The following ITPR2 variants were observed in gnomAD, a reference collection of about 807,000 sequenced individuals.
ITPR2 encodes the protein inositol 1,4,5-trisphosphate receptor type 2, also known as inositol 1,4,5-trisphosphate-gated calcium channel ITPR2.
In ITPR2, 207 loss-of-function variants were observed where a neutral mutation model predicts 317.1. The ratio of observed to expected loss-of-function variants is 0.65; its 90% CI spans 0.58 to 0.73. The LOEUF is 0.73. Among genes scored for constraint, ITPR2 ranks in the 30% least tolerant of loss-of-function variants. The pLI, the probability that ITPR2 is intolerant of heterozygous loss-of-function variation, is 0.00. For missense variants in ITPR2, 2,613 were observed against 3,284.0 expected (o/e 0.80, Z 4.99); for synonymous variants, 1,156 against 1,149.1 (o/e 1.01, Z -0.12).
chr12:26,449,551 C>G (rs1388256471), intron 45 of ITPR2, among the ~76,000 whole-genome samples: 2 of 151,944 alleles, frequency 1.3e-5, no homozygotes, highest in East Asian at 3.8e-4. Context: ...GTAATTAATA[C>G]AAGGAAAAAT....
At chr12:26,585,568 C>T (rs988646313) in intron 32 of ITPR2, among the ~76,000 whole-genome samples, 1 of 152,110 alleles carries the variant, frequency 6.6e-6, no homozygotes, top group Non-Finnish European at 1.5e-5. Flanking sequence ...CAACACCCGA[C>T]TAATTTTTGT....
chr12:26,695,765 T>C lies in ITPR2; in HGVS notation c.952-115A>G, dbSNP rs1447992820. On this transcript the variant is annotated intron_variant, in intron 9 of 56. Coordinates refer to ENST00000381340, the MANE Select transcript of ITPR2 (RefSeq NM_002223.4). Reference sequence around the variant, plus strand: ...CTCAACTAAGTTTAATATAAAAAGATGCTAAGAAAGAAACTATTAGTAAAT... The same window carrying C: ...CTCAACTAAGTTTAATATAAAAAGACGCTAAGAAAGAAACTATTAGTAAAT... 8.8e-6 allele frequency: 6 copies of C among 684,594 alleles called. No homozygotes were observed. The African/African-American group carries it at 1.1e-4, about 12-fold the overall frequency. 42.4% of individuals were successfully genotyped at this position (684,594 alleles called of 1,614,324 possible).
At chr12:26,477,399 T>C (rs751311142) in intron 43 of ITPR2, among the ~76,000 whole-genome samples, 99 of 152,106 alleles carry the variant, frequency 6.5e-4, no homozygotes, top group Non-Finnish European at 1.1e-3. Context: ...AGAAATGGTA[T>C]ACAATTTAAA....
chr12:26,593,842 G>A (rs1945769315), intron 32 of ITPR2, among the ~76,000 whole-genome samples: 1 of 152,034 alleles, frequency 6.6e-6, no homozygotes, highest in Admixed American at 6.6e-5. Context: ...ATCAATGGAA[G>A]TTATCATTGG....
At chr12:26,561,055 A>C (rs545039688) in intron 35 of ITPR2, among the ~76,000 whole-genome samples, 1 of 152,316 alleles carries the variant, frequency 6.6e-6, no homozygotes, top group East Asian at 1.9e-4. Context: ...AAGTGTAATT[A>C]AGATAAAATG....
At chr12:26,666,123 G>A in intron 13 of ITPR2, 72 bp from the exon 14 acceptor site, 1 of 570,396 alleles carries the variant, frequency 1.8e-6, no homozygotes, top group Non-Finnish European at 2.6e-6. Flanking sequence ...ATAGATGATA[G>A]GTAGGTAGGT....
At chr12:26,607,964 A>T (rs1266573104) in intron 26 of ITPR2, among the ~76,000 whole-genome samples, 2 of 151,798 alleles carry the variant, frequency 1.3e-5, no homozygotes, top group East Asian at 3.9e-4. Flanking sequence ...AAAAAAATAC[A>T]AAAAAAATTA....
At chr12:26,390,017 C>T (rs947782588) in intron 54 of ITPR2, among the ~76,000 whole-genome samples, 2 of 152,184 alleles carry the variant, frequency 1.3e-5, no homozygotes, top group African/African-American at 4.8e-5. Context: ...ATAGTTGGCA[C>T]TCAATTAAAT....
At chr12:26,421,121 A>G (rs1436996947) in intron 49 of ITPR2, 3 of 152,064 alleles carry the variant, frequency 2.0e-5, no homozygotes, top group South Asian at 2.1e-4. Flanking sequence ...TATACTGAGG[A>G]AAAAAAATAC....
intron 8 of ITPR2, among the ~76,000 whole-genome samples, chr12:26,712,075 G>A (rs1377924400): frequency 1.3e-5 from 2 of 152,256 alleles, no homozygotes; most frequent in Admixed American, 6.5e-5. Flanking sequence ...AGAAAAGCTC[G>A]GGTTTTACAC....
chr12:26,631,367 T>C (rs929770742), intron 22 of ITPR2, among the ~76,000 whole-genome samples: 4 of 152,178 alleles, frequency 2.6e-5, no homozygotes, highest in Admixed American at 2.0e-4. Context: ...CAGAGAGGGA[T>C]TGTCACATAT....
intron 51 of ITPR2, among the ~76,000 whole-genome samples, chr12:26,412,444 G>C (rs973009949): frequency 6.6e-6 from 1 of 152,126 alleles, no homozygotes; most frequent in South Asian, 2.1e-4. Context: ...GTGCGGGTGT[G>C]GGGGGTCAGA....
intron 52 of ITPR2, chr12:26,400,906 G>C (rs12312522): frequency 0.16 from 24,434 of 152,218 alleles, 2,437 homozygotes; most frequent in African/African-American, 0.29. Flanking sequence ...GCCGTTTGGG[G>C]GTTACACTCT....
chr12:26,598,067 G>A (rs1335054849), intron 30 of ITPR2, among the ~76,000 whole-genome samples: 1 of 152,124 alleles, frequency 6.6e-6, no homozygotes, highest in Admixed American at 6.6e-5. Context: ...CAGTATCATA[G>A]GGATGGTTTC....
In ITPR2 at chr12:26,654,144, A is replaced by AG; in HGVS notation, c.2590-19dup. ...TGGACCACCTTAATAAAAAAAAAAA[A>AG]GCGGGGAGGGGGAGGGTGAAAGAGT... On this transcript the variant is annotated intron_variant, in intron 20 of 56. Coordinates refer to ENST00000381340, the MANE Select transcript of ITPR2 (RefSeq NM_002223.4). The AG allele has an allele frequency of 8.3e-7, 1 of 1,204,814 alleles. No homozygotes were observed. Among genetic ancestry groups the AG allele is most frequent in the Non-Finnish European group, 1.1e-6 (1 of 887,044 alleles). 74.6% of individuals were successfully genotyped at this position (1,204,814 alleles called of 1,614,324 possible). A position where few individuals can be genotyped will look rare whatever the true frequency, so the allele number is the denominator to read the frequency against.
chr12:26,782,876 C>A (rs1950121435), intron 2 of ITPR2, among the ~76,000 whole-genome samples: 2 of 152,172 alleles, frequency 1.3e-5, no homozygotes, highest in South Asian at 4.1e-4. Flanking sequence ...TTCAATATAG[C>A]AATTGTTAAG....
intron 2 of ITPR2, among the ~76,000 whole-genome samples, chr12:26,747,266 G>C (rs1949339733): frequency 1.3e-5 from 2 of 152,024 alleles, no homozygotes; most frequent in African/African-American, 4.8e-5. Context: ...TACCAGCTAA[G>C]AGCTCTGAAA....
intron 26 of ITPR2, among the ~76,000 whole-genome samples, chr12:26,615,011 T>C (rs1187336755): frequency 5.9e-5 from 9 of 152,242 alleles, no homozygotes. Flanking sequence ...ACCACACTTA[T>C]TCTAGATGTT....
In ITPR2 at chr12:26,345,174, GA is replaced by G. The variant is rs557824340; in HGVS notation, c.7858-4847del. Among the ~76,000 whole-genome samples the G allele has an allele frequency of 2.5e-4, 37 of 145,294 alleles. 1 individual carries two copies. Among genetic ancestry groups the G allele is most frequent in the Admixed American group, 1.8e-3 (26 of 14,590 alleles). ...ATGCTTTACATTTCTCACTGCAATG[GA>G]AAAAAAAAACAACTTAAATTGATTG... On this transcript the variant is annotated intron_variant, in intron 55 of 56. Coordinates refer to ENST00000381340, the MANE Select transcript of ITPR2 (RefSeq NM_002223.4).
Sources: allele counts gnomAD v4.1 joint callset (sites outside exome capture counted in the v4.1 genomes callset), GRCh38; gene constraint gnomAD v4.1.1; transcripts MANE v1.5; gene names NCBI Gene and HGNC (gene_info 2026-07-23, HGNC 2026-07-21).